Variants in CIMIP6 observed in about 807,000 individuals in gnomAD.
CIMIP6 encodes the protein ciliary microtubule inner protein 6.
At chr2:54,364,212 A>G in the CIMIP6 span, among the ~76,000 whole-genome samples, 1 of 152,238 alleles carries the variant, frequency 6.6e-6, no homozygotes, top group African/African-American at 2.4e-5. Context: ...GCCTGTCAGT[A>G]CAAGTAGTGC....
the CIMIP6 span, among the ~76,000 whole-genome samples, chr2:54,363,762 G>A: frequency 1.3e-5 from 2 of 152,144 alleles, no homozygotes; most frequent in African/African-American, 4.8e-5. Flanking sequence ...GAGTGGCTGT[G>A]TGTGATCAGT....
chr2:54,376,929 T>C, the CIMIP6 span, among the ~76,000 whole-genome samples: 1 of 152,204 alleles, frequency 6.6e-6, no homozygotes, highest in Non-Finnish European at 1.5e-5. Flanking sequence ...AGGATCACTG[T>C]GAAGTTCACA....
At chr2:54,333,947 G>A in the CIMIP6 span, among the ~76,000 whole-genome samples, 18,194 of 152,094 alleles carry the variant, frequency 0.12, 1,145 homozygotes, top group Admixed American at 0.15. Context: ...CATTCGTTTG[G>A]AGGAAGGCAG....
chr2:54,340,999 G>C, the CIMIP6 span, among the ~76,000 whole-genome samples: 2 of 152,100 alleles, frequency 1.3e-5, no homozygotes, highest in Non-Finnish European at 2.9e-5. Flanking sequence ...AATAATTAAA[G>C]TCCATCAGCC....
the CIMIP6 span, among the ~76,000 whole-genome samples, chr2:54,344,839 T>A: frequency 6.6e-6 from 1 of 151,282 alleles, no homozygotes; most frequent in African/African-American, 2.4e-5. Context: ...GCTTGGAAAA[T>A]GAGAAGGAAA....
chr2:54,364,734 A>G, the CIMIP6 span, among the ~76,000 whole-genome samples: 1 of 152,240 alleles, frequency 6.6e-6, no homozygotes, highest in African/African-American at 2.4e-5. Context: ...TTTATTGAAG[A>G]GACTGCAACT....
chr2:54,356,477 T>G, the CIMIP6 span, among the ~76,000 whole-genome samples: 1 of 152,140 alleles, frequency 6.6e-6, no homozygotes, highest in Non-Finnish European at 1.5e-5. Context: ...TACCCTCCAG[T>G]CCAAATTGCC....
the CIMIP6 span, chr2:54,360,086 A>C: frequency 7.7e-7 from 1 of 1,299,170 alleles, no homozygotes; most frequent in Non-Finnish European, 1.0e-6. Context: ...ATGAAGAGGC[A>C]GAGAAGTGCC....
chr2:54,350,040 G>T, the CIMIP6 span, among the ~76,000 whole-genome samples: 1 of 151,968 alleles, frequency 6.6e-6, no homozygotes, highest in Non-Finnish European at 1.5e-5. Context: ...TTTTTTAGTA[G>T]AGACAGGGTT....
chr2:54,330,911 T>C, the CIMIP6 span: 1 of 1,540,240 alleles, frequency 6.5e-7, no homozygotes, highest in Admixed American at 1.8e-5. Context: ...CGCACCCTTT[T>C]CCTGGCAGGG....
At chr2:54,354,458 A>T in the CIMIP6 span, among the ~76,000 whole-genome samples, 11 of 152,142 alleles carry the variant, frequency 7.2e-5, no homozygotes, top group Non-Finnish European at 1.3e-4. Flanking sequence ...CTATCATCCT[A>T]TTCAAGAGCA....
chr2:54,360,260 A>G, the CIMIP6 span: 6 of 1,611,426 alleles, frequency 3.7e-6, no homozygotes, highest in Non-Finnish European at 5.1e-6. Flanking sequence ...AACAGTTCCT[A>G]AAGGAGCAGA....
chr2:54,331,448 C>T, the CIMIP6 span, among the ~76,000 whole-genome samples: 1 of 152,034 alleles, frequency 6.6e-6, no homozygotes, highest in Non-Finnish European at 1.5e-5. Context: ...CAGAGCTATC[C>T]GTTTACAGCC....
At chr2:54,364,995 G>C in the CIMIP6 span, among the ~76,000 whole-genome samples, 1 of 152,228 alleles carries the variant, frequency 6.6e-6, no homozygotes, top group Non-Finnish European at 1.5e-5. Flanking sequence ...GTTGGAATCA[G>C]AGGATGAACT....
the CIMIP6 span, among the ~76,000 whole-genome samples, chr2:54,363,404 G>C: frequency 6.6e-6 from 1 of 152,070 alleles, no homozygotes; most frequent in African/African-American, 2.4e-5. Context: ...CAGTTACCCT[G>C]GCTTAACATA....
chr2:54,360,266 G>A, the CIMIP6 span: 2 of 1,612,030 alleles, frequency 1.2e-6, no homozygotes, highest in Middle Eastern at 1.6e-4. Context: ...TCCTAAAGGA[G>A]CAGAGGTATT....
the CIMIP6 span, among the ~76,000 whole-genome samples, chr2:54,352,456 G>A: frequency 3.3e-5 from 5 of 152,120 alleles, no homozygotes; most frequent in Admixed American, 3.3e-4. Flanking sequence ...AAAATTGTTT[G>A]TATCTATACA....
chr2:54,353,117 A>T, the CIMIP6 span, among the ~76,000 whole-genome samples: 2 of 149,162 alleles, frequency 1.3e-5, no homozygotes, highest in Middle Eastern at 7.0e-3. Flanking sequence ...CAGTAGGTAG[A>T]TGTAAACTCT....
At chr2:54,371,504 G>A in the CIMIP6 span, among the ~76,000 whole-genome samples, 1 of 152,192 alleles carries the variant, frequency 6.6e-6, no homozygotes, top group Admixed American at 6.5e-5. Flanking sequence ...CCTCAGTTCT[G>A]AGTGGCCCTG....
Sources: gnomAD v4.1 joint callset for allele counts (sites outside exome capture counted in the v4.1 genomes callset) on GRCh38, gnomAD v4.1.1 for gene constraint, MANE v1.5 for transcripts, NCBI Gene and HGNC (gene_info 2026-07-23, HGNC 2026-07-21) for gene names.